The following COLEC10 variants were observed in gnomAD, a reference collection of about 807,000 sequenced individuals.
COLEC10 encodes the protein collectin subfamily member 10.
A neutral mutation model predicts 28.4 loss-of-function variants in COLEC10; 22 were observed. That is an observed-to-expected ratio of 0.78 (90% CI 0.55 to 1.11). COLEC10 has a LOEUF of 1.11. Ranked by LOEUF, COLEC10 falls within the 50% of genes least tolerant of loss-of-function variation. COLEC10 has a pLI of 0.00. For missense variants in COLEC10, 361 were observed against 344.1 expected (o/e 1.05, Z -0.39); for synonymous variants, 125 against 116.1 (o/e 1.08, Z -0.49).
chr8:118,996,994 T>C (rs1332808411), intron 1 of COLEC10, among the ~76,000 whole-genome samples: 3 of 152,204 alleles, frequency 2.0e-5, no homozygotes, highest in Non-Finnish European at 2.9e-5. Context: ...TCCACCCCCA[T>C]GACAAACGCC....
At chr8:119,061,382 G>A (rs1814851417) in intron 2 of COLEC10, among the ~76,000 whole-genome samples, 2 of 150,620 alleles carry the variant, frequency 1.3e-5, no homozygotes, top group African/African-American at 4.9e-5. Flanking sequence ...AGCCAATACA[G>A]TAAATGCTAA....
At chr8:119,084,757 T>A (rs1230551413) in intron 1 of COLEC10, among the ~76,000 whole-genome samples, 3 of 152,186 alleles carry the variant, frequency 2.0e-5, no homozygotes, top group African/African-American at 4.8e-5. Context: ...TTTACTTTTT[T>A]AAAAAATATA....
intron 1 of COLEC10, among the ~76,000 whole-genome samples, chr8:119,083,916 T>C (rs1815416204): frequency 1.3e-5 from 2 of 152,160 alleles, no homozygotes; most frequent in Non-Finnish European, 2.9e-5. Flanking sequence ...ATTTTGTCCA[T>C]TGTACTGAGC....
chr8:118,977,784 A>AT, the COLEC10 span, among the ~76,000 whole-genome samples: 136 of 151,240 alleles, frequency 9.0e-4, no homozygotes, highest in African/African-American at 2.7e-3. Context: ...ATCAACTAAA[A>AT]AAAATATATA....
chr8:118,983,075 G>A, the COLEC10 span, among the ~76,000 whole-genome samples: 5 of 152,168 alleles, frequency 3.3e-5, no homozygotes, highest in Admixed American at 3.3e-4. Context: ...TTCTACAATG[G>A]ATGTCCTACA....
intron 1 of COLEC10, among the ~76,000 whole-genome samples, chr8:119,076,005 A>T (rs1168328146): frequency 1.5e-5 from 2 of 136,938 alleles, no homozygotes; most frequent in Non-Finnish European, 3.0e-5. Context: ...GGTTCATGCC[A>T]TTCTCCTGCC....
At chr8:119,013,026 C>A (rs1283380775) in intron 2 of COLEC10, among the ~76,000 whole-genome samples, 1 of 143,068 alleles carries the variant, frequency 7.0e-6, no homozygotes, top group East Asian at 2.0e-4. Flanking sequence ...TTTTTTTTTT[C>A]TAGTTTTCTA....
At chr8:119,051,815 G>A (rs770634875) in intron 2 of COLEC10, among the ~76,000 whole-genome samples, 1 of 152,142 alleles carries the variant, frequency 6.6e-6, no homozygotes, top group Non-Finnish European at 1.5e-5. Context: ...TAAAGATTCT[G>A]AATCTAGTAA....
At chr8:119,005,825 G>A (rs1813784110) in intron 1 of COLEC10, among the ~76,000 whole-genome samples, 1 of 152,068 alleles carries the variant, frequency 6.6e-6, no homozygotes. Context: ...GGTGGATTGT[G>A]ATGAGGTGCA....
At chr8:118,980,445 T>C in the COLEC10 span, among the ~76,000 whole-genome samples, 1 of 151,954 alleles carries the variant, frequency 6.6e-6, no homozygotes, top group African/African-American at 2.4e-5. Context: ...TGCCGGTCTC[T>C]TCCTCCCAAA....
At chr8:118,960,785 GAAAAA>G in the COLEC10 span, among the ~76,000 whole-genome samples, 2,636 of 72,524 alleles carry the variant, frequency 0.036, 108 homozygotes, top group African/African-American at 0.13. Context: ...GAGACTCTGT[GAAAAA>G]AAAAAAAAAA....
At chr8:119,097,970 T>A (rs1426511428) in intron 3 of COLEC10, among the ~76,000 whole-genome samples, 2 of 152,114 alleles carry the variant, frequency 1.3e-5, no homozygotes, top group African/African-American at 4.8e-5. Flanking sequence ...TGGCACTAAG[T>A]ACTTTCACAT....
At chr8:119,071,429 T>C (rs143811191) in intron 1 of COLEC10, among the ~76,000 whole-genome samples, 4 of 152,304 alleles carry the variant, frequency 2.6e-5, no homozygotes, top group African/African-American at 4.8e-5. Flanking sequence ...TCAATGGGCA[T>C]GCTGGTCTTG....
the COLEC10 span, among the ~76,000 whole-genome samples, chr8:118,963,803 A>T: frequency 2.0e-5 from 3 of 152,080 alleles, 1 homozygote; most frequent in East Asian, 5.8e-4. Context: ...TCACCTTTGT[A>T]TTCCCTGTCA....
At chr8:118,965,435 A>G in the COLEC10 span, among the ~76,000 whole-genome samples, 1 of 152,116 alleles carries the variant, frequency 6.6e-6, no homozygotes. Flanking sequence ...TCTCAAAATT[A>G]TCTTTACCAA....
At chr8:118,975,368 T>C in the COLEC10 span, among the ~76,000 whole-genome samples, 3 of 152,080 alleles carry the variant, frequency 2.0e-5, no homozygotes, top group Non-Finnish European at 4.4e-5. Flanking sequence ...TTGTAAATTC[T>C]GCTATGTTAT....
At chr8:119,017,982 G>A (rs908839985) in intron 2 of COLEC10, among the ~76,000 whole-genome samples, 5 of 152,118 alleles carry the variant, frequency 3.3e-5, no homozygotes, top group Non-Finnish European at 5.9e-5. Context: ...TTTCTAAAAC[G>A]TAAAGGACTT....
chr8:119,034,531 T>C (rs1294315323), intron 2 of COLEC10, among the ~76,000 whole-genome samples: 1 of 151,478 alleles, frequency 6.6e-6, no homozygotes, highest in Non-Finnish European at 1.5e-5. Context: ...GCCAAGATAG[T>C]GAAACCTCAT....
At chr8:119,028,587 A>G (rs1252676809) in intron 2 of COLEC10, among the ~76,000 whole-genome samples, 2 of 152,184 alleles carry the variant, frequency 1.3e-5, no homozygotes, top group Non-Finnish European at 2.9e-5. Flanking sequence ...AAGATCAGCT[A>G]CCATCATTCA....
Sources: allele counts gnomAD v4.1 joint callset (sites outside exome capture counted in the v4.1 genomes callset), GRCh38; gene constraint gnomAD v4.1.1; transcripts MANE v1.5; gene names NCBI Gene and HGNC (gene_info 2026-07-23, HGNC 2026-07-21).